Variants in RNF150 observed in about 807,000 individuals in gnomAD.
The protein encoded by RNF150 is ring finger protein 150.
A neutral mutation model predicts 39.3 loss-of-function variants in RNF150; 24 were observed. That is an observed-to-expected ratio of 0.61 (90% CI 0.44 to 0.86). The LOEUF (loss-of-function observed/expected upper bound fraction) is 0.86, where lower values mean the gene tolerates loss of function less well. RNF150 is among the 40% of genes least tolerant of loss of function. RNF150 has a pLI of 0.00. For missense variants in RNF150, 502 were observed against 587.8 expected (o/e 0.85, Z 1.51); for synonymous variants, 255 against 227.3 (o/e 1.12, Z -1.10).
chr4:141,173,262 A>G (rs535030686), intron 1 of RNF150, among the ~76,000 whole-genome samples: 2 of 152,282 alleles, frequency 1.3e-5, no homozygotes, highest in East Asian at 3.9e-4. Flanking sequence ...CACCTGTTAC[A>G]TTCAGAACAG....
At position 141,073,960 on chromosome 4, in the gene RNF150, G is replaced by C. The variant is rs185287846; in HGVS notation, c.484+58365C>G. ...GCATGAGGTGGGGAAGCCAAGCAAG[G>C]GGGTGATTCCTGAGGTAGAGGACTG... is the stretch of plus-strand genomic sequence containing the variant. On this transcript the variant is annotated intron_variant, in intron 1 of 6. Coordinates refer to ENST00000515673, the MANE Select transcript of RNF150 (RefSeq NM_020724.2). 4.0e-4 allele frequency among the ~76,000 whole-genome samples: 61 copies of C among 152,084 alleles called. No individual in the cohort carries two copies. In the East Asian group the frequency reaches 9.1e-3, roughly 23 times the overall value.
chr4:140,948,304 T>C (rs1401838711), intron 3 of RNF150, among the ~76,000 whole-genome samples: 1 of 152,236 alleles, frequency 6.6e-6, no homozygotes, highest in Non-Finnish European at 1.5e-5. Context: ...AATGGCGTTT[T>C]TATATACTTG....
chr4:141,014,166 T>G (rs1387050763), intron 1 of RNF150, among the ~76,000 whole-genome samples: 1 of 152,200 alleles, frequency 6.6e-6, no homozygotes, highest in African/African-American at 2.4e-5. Context: ...GTAACAGGAT[T>G]CCCACTCCCC....
chr4:140,950,569 C>T (rs1277901461), intron 2 of RNF150, among the ~76,000 whole-genome samples: 1 of 152,156 alleles, frequency 6.6e-6, no homozygotes. Context: ...AGCTCATCTA[C>T]CACCCTCACC....
At position 141,084,897 on chromosome 4, in the gene RNF150, C is replaced by A. The variant is rs542325030; in HGVS notation, c.484+47428G>T. ...AGGAGAGGTCTACAGCCCTCTCTTT[C>A]CACCTGACTGAGCAGAACTTTGTGA... On this transcript the variant is annotated intron_variant, in intron 1 of 6. Transcript: ENST00000515673. 1.6e-4 allele frequency among the ~76,000 whole-genome samples: 24 copies of A among 152,262 alleles called. 1 individual carries two copies. Among genetic ancestry groups the A allele is most frequent in the African/African-American group, 5.5e-4 (23 of 41,544 alleles).
chr4:141,181,350 A>C (rs1727905681), intron 1 of RNF150, among the ~76,000 whole-genome samples: 1 of 152,240 alleles, frequency 6.6e-6, no homozygotes, highest in African/African-American at 2.4e-5. Flanking sequence ...AAGAAAATAG[A>C]ATCCATATAA....
intron 1 of RNF150, among the ~76,000 whole-genome samples, chr4:141,077,526 T>C (rs1221734608): frequency 6.6e-6 from 1 of 152,138 alleles, no homozygotes; most frequent in Admixed American, 6.5e-5. Flanking sequence ...TTTAATTATA[T>C]GTGAGATAAA....
At chr4:140,870,840 A>G in intron 6 of RNF150, among the ~76,000 whole-genome samples, 1 of 150,144 alleles carries the variant, frequency 6.7e-6, no homozygotes, top group African/African-American at 2.5e-5. Flanking sequence ...TTCCCTGTCC[A>G]TGTCGTGCTC....
chr4:140,877,847 A>T (rs971625160), intron 6 of RNF150, among the ~76,000 whole-genome samples: 1 of 152,242 alleles, frequency 6.6e-6, no homozygotes, highest in Admixed American at 6.5e-5. Context: ...TGAGGATCTA[A>T]TTAGTATTGG....
chr4:141,195,726 A>G (rs1220991127), intron 1 of RNF150, among the ~76,000 whole-genome samples: 2 of 152,326 alleles, frequency 1.3e-5, no homozygotes, highest in East Asian at 3.9e-4. Context: ...ATTTTATGCA[A>G]TGTTTAAAAA....
At chr4:141,144,514 A>G (rs1420980270) in intron 1 of RNF150, among the ~76,000 whole-genome samples, 1 of 151,764 alleles carries the variant, frequency 6.6e-6, no homozygotes, top group Non-Finnish European at 1.5e-5. Flanking sequence ...AATTCTATGC[A>G]GGAGAATTGC....
chr4:141,005,373 A>C (rs902998272), intron 1 of RNF150, among the ~76,000 whole-genome samples: 1 of 152,144 alleles, frequency 6.6e-6, no homozygotes, highest in Non-Finnish European at 1.5e-5. Context: ...AGAAAAGAGA[A>C]GGTGGCTTAA....
At chr4:141,179,576 T>C (rs957148738) in intron 1 of RNF150, among the ~76,000 whole-genome samples, 1 of 152,180 alleles carries the variant, frequency 6.6e-6, no homozygotes, top group African/African-American at 2.4e-5. Flanking sequence ...CTTCTGTCAC[T>C]CCCACAACAC....
rs532190223 is a variant in RNF150, at chr4:141,038,201, C to T, written c.485-70328G>A. ...TCCTGAATAAGATTCCTAAACAAGA[C>T]AAAAACTGCCCTCAATCTCTGGAAA... On this transcript the variant is annotated intron_variant, in intron 1 of 6. Transcript: ENST00000515673. 2.6e-5 allele frequency among the ~76,000 whole-genome samples: 4 copies of T among 152,192 alleles called. No homozygotes were observed. The South Asian group carries it at 8.3e-4, about 32-fold the overall frequency.
At chr4:141,037,620 A>T (rs191298855) in intron 1 of RNF150, among the ~76,000 whole-genome samples, 6 of 152,322 alleles carry the variant, frequency 3.9e-5, no homozygotes, top group Admixed American at 1.3e-4. Flanking sequence ...CAGAAGCCTG[A>T]ATCAGTTTTG....
intron 1 of RNF150, among the ~76,000 whole-genome samples, chr4:141,157,854 T>C (rs1727439256): frequency 6.6e-6 from 1 of 152,214 alleles, no homozygotes; most frequent in African/African-American, 2.4e-5. Context: ...AAGTCAAGTG[T>C]CTCGTCCAGA....
At chr4:140,868,642 C>T (rs1021666401) in intron 6 of RNF150, among the ~76,000 whole-genome samples, 1 of 151,958 alleles carries the variant, frequency 6.6e-6, no homozygotes, top group Non-Finnish European at 1.5e-5. Context: ...GTAAGTTGGG[C>T]AAGAAATTCT....
rs1726473854 is a variant in RNF150, at chr4:141,117,739, A to C, written c.484+14586T>G. Reference sequence around the variant, plus strand: ...TAACTTTGGGGTTACAGGGTCTGTGAAGCAAGTGAAGTATCGAAGACACCT... The same window carrying C: ...TAACTTTGGGGTTACAGGGTCTGTGCAGCAAGTGAAGTATCGAAGACACCT... On this transcript the variant is annotated intron_variant, in intron 1 of 6. Transcript: ENST00000515673. Among the ~76,000 whole-genome samples the C allele has an allele frequency of 2.0e-5, 3 of 152,332 alleles. No individual in the cohort carries two copies. The South Asian group carries it at 6.2e-4, about 32-fold the overall frequency.
chr4:141,205,705 T>C (rs558707131), intron 1 of RNF150, among the ~76,000 whole-genome samples: 1 of 152,278 alleles, frequency 6.6e-6, no homozygotes, highest in East Asian at 1.9e-4. Context: ...TGGCAATACC[T>C]TCATATCCCA....
Sources: allele counts gnomAD v4.1 joint callset (sites outside exome capture counted in the v4.1 genomes callset), GRCh38; gene constraint gnomAD v4.1.1; transcripts MANE v1.5; gene names NCBI Gene and HGNC (gene_info 2026-07-23, HGNC 2026-07-21).